ACLY: variants seen among roughly 807,000 people sequenced by gnomAD.
ACLY encodes ATP citrate lyase.
Under a neutral mutation model 133.0 loss-of-function variants are expected in ACLY, and 41 were observed. The observed-to-expected ratio is 0.31, with a 90% CI of 0.24 to 0.40. The LOEUF (loss-of-function observed/expected upper bound fraction) is 0.40. Among genes scored for constraint, ACLY ranks in the 10% least tolerant of loss-of-function variants. The pLI is 1.00. For synonymous variants in ACLY, 495 were observed against 549.3 expected, an observed-to-expected ratio of 0.90 and a Z score of 1.38; for missense variants, 1,046 against 1,453.8, an observed-to-expected ratio of 0.72 and a Z score of 4.56.
At chr17:41,910,696 C>A (rs1003352526) in intron 3 of ACLY, among the ~76,000 whole-genome samples, 12 of 152,154 alleles carry the variant, frequency 7.9e-5, no homozygotes, top group African/African-American at 2.7e-4. Context: ...TGGGTCCGGG[C>A]GCAGGGAATG....
At chr17:41,869,419 T>C in intron 26 of ACLY, 55 bp downstream of exon 26, 1 of 1,431,770 alleles carries the variant, frequency 7.0e-7, no homozygotes, top group South Asian at 1.2e-5. Flanking sequence ...TGGCTCCTGT[T>C]TCCTCCAATA....
At chr17:41,892,509 G>C in intron 15 of ACLY, 62 bp from the exon 16 acceptor site, 1 of 1,479,906 alleles carries the variant, frequency 6.8e-7, no homozygotes, top group Non-Finnish European at 9.3e-7. Flanking sequence ...GGAAGGGGAA[G>C]CTGAGGGGAG....
chr17:41,901,783 C>T lies in ACLY; in HGVS notation c.1096G>A (p.Gly366Ser), dbSNP rs1555631659. 1 of 1,594,202 alleles carries T rather than the reference C, an allele frequency of 6.3e-7. No individual in the cohort carries two copies. Among genetic ancestry groups the T allele is most frequent in the Admixed American group, 1.7e-5 (1 of 57,726 alleles). Residue 366 changes from glycine (G) to serine (S), a missense_variant, in exon 11 of 29, where the codon GGC (glycine) becomes AGC (serine). By Grantham distance (56) the Gly-to-Ser change is moderately conservative (BLOSUM62 0). Transcript: ENST00000352035. Reference protein sequence around the residue: ...GIVRAIRDYQGPLKEHEVTIF... With the variant: ...GIVRAIRDYQSPLKEHEVTIF... The stretch of plus-strand genomic sequence containing the variant: ...GTGACTTCGTGCTCCTTCAGGGGGC[C>T]CTGGTAATCTCGAATTGCTCTCACG...
Position 41,893,087 on chromosome 17 carries a change from T to A in ACLY, c.1547A>T (p.Asp516Val), listed in dbSNP as rs2049260865. The A allele has an allele frequency of 6.2e-7, 1 of 1,613,926 alleles. No homozygotes were observed. Among genetic ancestry groups the A allele is most frequent in the Admixed American group, 1.7e-5 (1 of 59,990 alleles). Reference sequence around the variant, plus strand: ...GGGCTCGTCTCGGGAGCAGACATAGTCAAAGTCCAGCATGCCTTGCACGGC... The same window carrying A: ...GGGCTCGTCTCGGGAGCAGACATAGACAAAGTCCAGCATGCCTTGCACGGC... ...TRAVQGMLDFDYVCSRDEPSV... is the reference protein window; with the variant it reads ...TRAVQGMLDFVYVCSRDEPSV... The change falls in exon 15 of 29, where the codon GAC becomes GTC. Residue 516 changes from aspartate (D) to valine (V), a missense_variant. Physicochemically the swap from Asp to Val is radical, Grantham distance 152. Coordinates refer to ENST00000352035, the MANE Select transcript of ACLY (RefSeq NM_001096.3).
chr17:41,867,697 T>G lies in ACLY; in HGVS notation c.*113A>C. The G allele has an allele frequency of 1.3e-6, 1 of 754,260 alleles. No individual in the cohort carries two copies. The highest frequency in any genetic ancestry group is 2.1e-6 in the Non-Finnish European group (1 of 482,048). The allele number at this position is 754,260 out of a possible 1,614,324, so 46.7% of individuals were successfully genotyped here. A position where few individuals can be genotyped will look rare whatever the true frequency, so the allele number is the denominator to read the frequency against. On this transcript the variant is annotated 3_prime_UTR_variant, in exon 29 of 29. Coordinates refer to ENST00000352035, the MANE Select transcript of ACLY (RefSeq NM_001096.3). ...CGGTGCCTGTACCCCAGTGGCTGTT[T>G]ACATTCCAGGCCCCTGCTAAATAAA...
rs782425665 is a variant in ACLY at position 41,883,152 on chromosome 17, G to A, written c.2235C>T (p.Ile745=). 21 of 1,613,958 alleles carry A rather than the reference G, an allele frequency of 1.3e-5. No individual in the cohort carries two copies. The South Asian group carries it at 1.6e-4, about 13-fold the overall frequency. Residue 745 remains isoleucine (I), a synonymous_variant, in exon 20 of 29, where the codon ATC becomes ATT. Coordinates refer to ENST00000352035, the MANE Select transcript of ACLY (RefSeq NM_001096.3). ...AGGAGAACATGGTGGCACACGTCCC[G>A]ATGCACCAGCAGACGATGGGCTTAG... ...RLTKPIVCWC[I]GTCATMFSSE...
intron 10 of ACLY, among the ~76,000 whole-genome samples, chr17:41,903,914 C>T (rs1398299637): frequency 4.6e-5 from 7 of 151,430 alleles, no homozygotes; most frequent in Admixed American, 2.0e-4. Context: ...GAGGTCAGTT[C>T]GAGACTAGCC....
intron 1 of ACLY, among the ~76,000 whole-genome samples, chr17:41,924,261 C>T (rs1040629955): frequency 6.6e-6 from 1 of 151,986 alleles, no homozygotes; most frequent in Non-Finnish European, 1.5e-5. Context: ...TCTCCTGTCT[C>T]GCCCTCCCAA....
rs548743043 is a variant in ACLY, at chr17:41,913,964, C to T, written c.-23-68G>A. 63 of 1,468,680 alleles carry T rather than the reference C, an allele frequency of 4.3e-5. No homozygotes were observed. The African/African-American group carries it at 5.0e-4, about 12-fold the overall frequency. 91.0% of individuals were successfully genotyped at this position (1,468,680 alleles called of 1,614,324 possible). The stretch of plus-strand genomic sequence containing the variant: ...GGAGGCACTATCTTCCCCAGCAGGG[C>T]AGACCCACTCCCAGTTGCCCCCAGA... On this transcript the variant is annotated intron_variant, in intron 1 of 28. Transcript: ENST00000352035.
chr17:41,899,627 C>A (rs2049470735), intron 11 of ACLY, among the ~76,000 whole-genome samples: 1 of 152,116 alleles, frequency 6.6e-6, no homozygotes, highest in Non-Finnish European at 1.5e-5. Context: ...ACAGACAGAC[C>A]CCTAGCATCT....
At chr17:41,929,763 TGG>T (rs2050293158) in intron 1 of ACLY, among the ~76,000 whole-genome samples, 7 of 152,314 alleles carry the variant, frequency 4.6e-5, no homozygotes, top group Admixed American at 4.6e-4. Flanking sequence ...TTTCTCCCAA[TGG>T]TAACATCCTT....
rs1555633327 is a variant in ACLY at position 41,909,648 on chromosome 17, A to T, written c.398T>A (p.Leu133Gln). ...GTCCACACCCCCCTCGTGGTGGAACAGGACGTAGTCCCCTTCTCGGGTGGC... is the reference window on the plus strand; with the variant it reads ...GTCCACACCCCCCTCGTGGTGGAACTGGACGTAGTCCCCTTCTCGGGTGGC... ...IYATREGDYV[L>Q]FHHEGGVDVG... Residue 133 changes from leucine to glutamine, a missense_variant, in exon 5 of 29, where the codon CTG becomes CAG. By Grantham distance (113) the Leu-to-Gln change is moderately radical. This residue lies in a region of ACLY where 227 missense variants were observed against 245.6 expected (regional missense o/e 0.92). Transcript: ENST00000352035. 2 of 1,614,184 alleles carry T rather than the reference A, an allele frequency of 1.2e-6. No homozygotes were observed. Among genetic ancestry groups the T allele is most frequent in the Admixed American group, 1.7e-5 (1 of 60,022 alleles).
Position 41,884,255 on chromosome 17 carries a change from T to A in ACLY, c.2092A>T (p.Met698Leu), listed in dbSNP as rs2048993769. 1.2e-6 allele frequency: 2 copies of A among 1,611,886 alleles called. No individual in the cohort carries two copies. The highest frequency in any genetic ancestry group is 4.5e-5 in the East Asian group (2 of 44,862). Reference sequence around the variant, plus strand: ...TCCTGATAGCGTAACACATGATCCATGAATGTGGAGCCCGGGTACCTGTTG... The same window carrying A: ...TCCTGATAGCGTAACACATGATCCAAGAATGTGGAGCCCGGGTACCTGTTG... Reference protein sequence around the residue: ...GGDRYPGSTFMDHVLRYQDTP... With the variant: ...GGDRYPGSTFLDHVLRYQDTP... Residue 698 changes from methionine (M) to leucine (L), a missense_variant, in exon 19 of 29, where the codon ATG becomes TTG. Physicochemically the swap from Met to Leu is conservative, Grantham distance 15. Transcript: ENST00000352035.
rs372730021 is a variant in ACLY, at chr17:41,906,802, C to T, written c.748-156G>A. Among the ~76,000 whole-genome samples the T allele has an allele frequency of 3.6e-4, 55 of 152,316 alleles. 2 individuals carry two copies. The South Asian group carries it at 0.011, about 32-fold the overall frequency. On this transcript the variant is annotated intron_variant, in intron 7 of 28. Transcript: ENST00000352035. The stretch of plus-strand genomic sequence containing the variant: ...CGCAGGGCCCCACATGCCTTGAAGA[C>T]ACTTGATGGTGTCTCCAAGTACCAA...
In ACLY at chr17:41,878,171, T is replaced by C. The variant is rs782214426; in HGVS notation, c.2419A>G (p.Asn807Asp). Residue 807 changes from asparagine (N) to aspartate (D), a missense_variant, in exon 22 of 29, where the codon AAT becomes GAT. By Grantham distance (23) the Asn-to-Asp change is conservative. Around this residue, in one of 4 missense-constraint regions of ACLY, gnomAD observed 39 missense variants for 30.8 expected, o/e 1.27. Coordinates refer to ENST00000352035, the MANE Select transcript of ACLY (RefSeq NM_001096.3). The part of the protein sequence containing the change: ...IQSVYEDLVA[N>D]GVIVPAQEVP... Reference sequence around the variant, plus strand: ...TCCTGGGCAGGTACAATGACTCCATTGGCCACGAGATCTTCGTATACAGAC... The same window carrying C: ...TCCTGGGCAGGTACAATGACTCCATCGGCCACGAGATCTTCGTATACAGAC... The C allele has an allele frequency of 1.3e-6, 2 of 1,596,336 alleles. No homozygotes were observed. The highest frequency in any genetic ancestry group is 3.5e-5 in the Admixed American group (2 of 57,764).
Position 41,909,085 on chromosome 17 carries a change from G to A in ACLY, c.537-17C>T. The A allele has an allele frequency of 6.3e-7, 1 of 1,597,724 alleles. No homozygotes were observed. The highest frequency in any genetic ancestry group is 8.6e-7 in the Non-Finnish European group (1 of 1,168,450). ...GCCAGAATTCTAGAGGTGGGAGGGA[G>A]AGAGGGACAGTTCATCCATCAGGGA... On this transcript the variant is annotated splice_polypyrimidine_tract_variant and intron_variant, in intron 5 of 28. Coordinates refer to ENST00000352035, the MANE Select transcript of ACLY (RefSeq NM_001096.3).
At chr17:41,912,716 A>G (rs542971114) in intron 2 of ACLY, among the ~76,000 whole-genome samples, 174 bp from the exon 3 acceptor site, 1 of 152,234 alleles carries the variant, frequency 6.6e-6, no homozygotes, top group African/African-American at 2.4e-5. Context: ...ACCCTAGCCA[A>G]TATCTTGCTT....
intron 16 of ACLY, among the ~76,000 whole-genome samples, chr17:41,890,929 C>T (rs12939810): frequency 0.083 from 12,417 of 150,040 alleles, 705 homozygotes; most frequent in Non-Finnish European, 0.12. Flanking sequence ...TCACTTGAGC[C>T]TGGGAAGTGG....
At position 41,867,535 on chromosome 17, in the gene ACLY, G is replaced by A. The variant is rs1349398422; in HGVS notation, c.*275C>T. The A allele has an allele frequency of 1.6e-5, 4 of 244,000 alleles. No individual in the cohort carries two copies. Among genetic ancestry groups the A allele is most frequent in the African/African-American group, 6.8e-5 (3 of 44,436 alleles). The allele number at this position is 244,000 out of a possible 1,614,324, so 15.1% of individuals were successfully genotyped here. A position where few individuals can be genotyped will look rare whatever the true frequency, so the allele number is the denominator to read the frequency against. The stretch of plus-strand genomic sequence containing the variant: ...GACCCCATCCTGACAGTACTTAGAT[G>A]CTTCCATATAATAAATACAGCAGGT... On this transcript the variant is annotated 3_prime_UTR_variant, in exon 29 of 29. Transcript: ENST00000352035.
Sources: gnomAD v4.1 joint callset for allele counts (sites outside exome capture counted in the v4.1 genomes callset) on GRCh38, gnomAD v4.1.1 for gene constraint, gnomAD v4.1.1 regional missense constraint, MANE v1.5 for transcripts, NCBI Gene and HGNC (gene_info 2026-07-23, HGNC 2026-07-21) for gene names.